VWA3B: variants seen among roughly 807,000 people sequenced by gnomAD.
VWA3B encodes the protein von Willebrand factor A domain-containing protein 3B.
Under a neutral mutation model 158.3 loss-of-function variants are expected in VWA3B, and 138 were observed. That is an observed-to-expected ratio of 0.87 (90% CI 0.76 to 1.00). The LOEUF (loss-of-function observed/expected upper bound fraction) is 1.00, where lower values mean the gene tolerates loss of function less well. Among genes scored for constraint, VWA3B ranks in the 50% least tolerant of loss-of-function variants. The pLI, the probability that VWA3B is intolerant of heterozygous loss-of-function variation, is 0.00. For synonymous variants in VWA3B, 596 were observed against 587.3 expected (o/e 1.01, Z -0.21); for missense variants, 1,555 against 1,565.1 (o/e 0.99, Z 0.11).
intron 8 of VWA3B, among the ~76,000 whole-genome samples, chr2:98,173,923 C>T (rs1477410619): frequency 6.6e-6 from 1 of 151,592 alleles, no homozygotes; most frequent in Non-Finnish European, 1.5e-5. Context: ...GCCCAGATCG[C>T]ACCACTGCAC....
At chr2:98,170,306 C>T (rs1378814740) in intron 8 of VWA3B, among the ~76,000 whole-genome samples, 1 of 152,190 alleles carries the variant, frequency 6.6e-6, no homozygotes, top group Non-Finnish European at 1.5e-5. Context: ...TGTAGTCATG[C>T]TTTAATCATG....
intron 19 of VWA3B, 109 bp from the exon 20 acceptor site, chr2:98,250,209 T>G (rs1686708255): frequency 2.7e-6 from 2 of 745,922 alleles, no homozygotes; most frequent in Non-Finnish European, 4.4e-6. Context: ...TATTGTATAT[T>G]GACTTTATAG....
intron 13 of VWA3B, among the ~76,000 whole-genome samples, chr2:98,217,205 A>G (rs1013808184): frequency 5.3e-5 from 8 of 152,100 alleles, no homozygotes; most frequent in Admixed American, 1.3e-4. Flanking sequence ...GAAGAGCACA[A>G]TCAGAAAGTT....
At chr2:98,213,600 T>C (rs974943166) in intron 13 of VWA3B, among the ~76,000 whole-genome samples, 2 of 152,098 alleles carry the variant, frequency 1.3e-5, no homozygotes, top group African/African-American at 2.4e-5. Context: ...GATGACTGAT[T>C]CCTGGTTTAC....
At chr2:98,202,802 G>A (rs1486390458) in intron 12 of VWA3B, among the ~76,000 whole-genome samples, 4 of 151,940 alleles carry the variant, frequency 2.6e-5, no homozygotes, top group Non-Finnish European at 4.4e-5. Flanking sequence ...TTTGCATAAG[G>A]TGTGAGATCT....
chr2:98,151,894 G>C (rs1026724580), intron 7 of VWA3B, among the ~76,000 whole-genome samples: 10 of 152,190 alleles, frequency 6.6e-5, no homozygotes, highest in Non-Finnish European at 1.3e-4. Flanking sequence ...AGTGGGTTTT[G>C]TTGTAGATAT....
At chr2:98,179,781 C>CTTCCT (rs1558640968) in intron 8 of VWA3B, among the ~76,000 whole-genome samples, 53 of 67,134 alleles carry the variant, frequency 7.9e-4, no homozygotes, top group African/African-American at 2.4e-3. Flanking sequence ...CTTTCTTTCT[C>CTTCCT]TTTCTTTTCT....
intron 26 of VWA3B, among the ~76,000 whole-genome samples, chr2:98,304,857 C>G (rs1307358704): frequency 6.6e-6 from 1 of 152,106 alleles, no homozygotes; most frequent in Non-Finnish European, 1.5e-5. Context: ...AAATAAATAC[C>G]GTTCCCTTGG....
At chr2:98,160,815 G>A (rs970688198) in intron 7 of VWA3B, among the ~76,000 whole-genome samples, 13 of 152,216 alleles carry the variant, frequency 8.5e-5, no homozygotes, top group African/African-American at 2.4e-4. Flanking sequence ...TTCCTAGGCT[G>A]TTGATGGCCA....
At chr2:98,091,817 AG>A in intron 1 of VWA3B, among the ~76,000 whole-genome samples, 1 of 152,346 alleles carries the variant, frequency 6.6e-6, no homozygotes, top group Non-Finnish European at 1.5e-5. Flanking sequence ...TTTACAATTC[AG>A]GGTATCAGTT....
At chr2:98,181,767 CA>C (rs1482017873) in intron 9 of VWA3B, among the ~76,000 whole-genome samples, 1 of 152,184 alleles carries the variant, frequency 6.6e-6, no homozygotes, top group East Asian at 1.9e-4. Context: ...CTCTGGCTCC[CA>C]ATGAAGGACA....
chr2:98,312,570 T>A lies in VWA3B; in HGVS notation c.*221T>A, dbSNP rs1316078906. ...GGCTTTTTCTGACTGTTCTTTATCCTGTTTTCCCCCTGCACTCACAAAATT... is the reference window on the plus strand; with the variant it reads ...GGCTTTTTCTGACTGTTCTTTATCCAGTTTTCCCCCTGCACTCACAAAATT... On this transcript the variant is annotated 3_prime_UTR_variant, in exon 28 of 28. Coordinates refer to ENST00000477737, the MANE Select transcript of VWA3B (RefSeq NM_144992.5). 7.2e-6 allele frequency: 4 copies of A among 552,096 alleles called. No individual in the cohort carries two copies. Among genetic ancestry groups the A allele is most frequent in the Non-Finnish European group, 6.2e-6 (2 of 323,670 alleles). 34.2% of individuals were successfully genotyped at this position (552,096 alleles called of 1,614,324 possible). A position where few individuals can be genotyped will look rare whatever the true frequency, so the allele number is the denominator to read the frequency against.
intron 8 of VWA3B, among the ~76,000 whole-genome samples, chr2:98,175,730 A>G (rs1048909174): frequency 1.3e-5 from 2 of 152,242 alleles, no homozygotes; most frequent in African/African-American, 4.8e-5. Flanking sequence ...AATGGATTCC[A>G]TGTAGGATAA....
At chr2:98,315,720 A>C (rs1036045751), downstream of VWA3B, among the ~76,000 whole-genome samples, 4 of 152,232 alleles carry the variant, frequency 2.6e-5, no homozygotes, top group Non-Finnish European at 5.9e-5. Flanking sequence ...TAGCCAACAA[A>C]ACTAGACAAG....
intron 12 of VWA3B, among the ~76,000 whole-genome samples, chr2:98,210,445 T>G (rs1483890703): frequency 2.6e-5 from 4 of 152,202 alleles, no homozygotes; most frequent in African/African-American, 9.6e-5. Context: ...CACAGAATTT[T>G]GTCTGGTTTT....
chr2:98,279,664 TATC>T (rs1688750477), intron 22 of VWA3B, among the ~76,000 whole-genome samples: 1 of 152,186 alleles, frequency 6.6e-6, no homozygotes, highest in Non-Finnish European at 1.5e-5. Context: ...AGGAAGCTGT[TATC>T]ATCCCCAGAC....
chr2:98,275,290 C>A (rs114515137), intron 22 of VWA3B, among the ~76,000 whole-genome samples: 4 of 152,156 alleles, frequency 2.6e-5, no homozygotes, highest in African/African-American at 9.7e-5. Context: ...TCACTTTCAG[C>A]GCTCTTGATT....
At chr2:98,179,814 C>CTT (rs141017624) in intron 8 of VWA3B, among the ~76,000 whole-genome samples, 1 of 111,614 alleles carries the variant, frequency 9.0e-6, no homozygotes, top group Non-Finnish European at 1.7e-5. Context: ...TTCTTTCTTT[C>CTT]TTTCTTTCTT....
intron 22 of VWA3B, among the ~76,000 whole-genome samples, chr2:98,276,093 G>A (rs984637147): frequency 8.5e-5 from 13 of 152,182 alleles, no homozygotes; most frequent in Admixed American, 1.3e-4. Flanking sequence ...TTAGGGGAAC[G>A]CCGATGTTCC....
Sources: allele counts gnomAD v4.1 joint callset (sites outside exome capture counted in the v4.1 genomes callset), GRCh38; gene constraint gnomAD v4.1.1; transcripts MANE v1.5; gene names NCBI Gene and HGNC (gene_info 2026-07-23, HGNC 2026-07-21).